PPP2CA: variants seen among roughly 807,000 people sequenced by gnomAD.
PPP2CA encodes the protein protein phosphatase 2 catalytic subunit alpha, also known as serine/threonine-protein phosphatase 2A catalytic subunit alpha isoform.
In PPP2CA, 5 loss-of-function variants were observed where a neutral mutation model predicts 38.8. That is an observed-to-expected ratio of 0.13 (90% confidence interval 0.07 to 0.27). The LOEUF (loss-of-function observed/expected upper bound fraction) is 0.27. PPP2CA is among the 10% of genes least tolerant of loss of function. PPP2CA has a pLI of 1.00. For synonymous variants in PPP2CA, 152 were observed against 134.0 expected, an observed-to-expected ratio of 1.13 and a Z score of -0.93; for missense variants, 88 against 389.7, an observed-to-expected ratio of 0.23 and a Z score of 6.52.
chr5:134,216,202 G>A (rs1162952273), intron 1 of PPP2CA, among the ~76,000 whole-genome samples: 1 of 152,046 alleles, frequency 6.6e-6, no homozygotes, highest in Admixed American at 6.6e-5. Context: ...TACATGAAAG[G>A]GATCATGATG....
chr5:134,199,469 C>A, intron 5 of PPP2CA: 1 of 305,566 alleles, frequency 3.3e-6, no homozygotes, highest in Non-Finnish European at 6.0e-6. Context: ...CAAACAGCAG[C>A]AACCACCAAA....
intron 1 of PPP2CA, among the ~76,000 whole-genome samples, chr5:134,223,826 T>G (rs1277376842): frequency 1.3e-5 from 2 of 152,254 alleles, no homozygotes; most frequent in African/African-American, 4.8e-5. Flanking sequence ...TATTCTTCAT[T>G]GCTTTTCATT....
intron 2 of PPP2CA, 195 bp downstream of exon 2, chr5:134,205,727 T>C: frequency 2.3e-6 from 1 of 442,126 alleles, no homozygotes; most frequent in Non-Finnish European, 3.9e-6. Context: ...CTCCTCCTTT[T>C]GTTTTGATTC....
rs375780869 is a variant in PPP2CA, at chr5:134,213,868, G to A, written c.103-7737C>T. On this transcript the variant is annotated intron_variant, in intron 1 of 6. Coordinates refer to ENST00000481195, the MANE Select transcript of PPP2CA (RefSeq NM_002715.4). ...GAAAAGCCCAGGCACAGTGGCTCAC[G>A]CCTGTAATTCTATCACTTTGGGAGC... Among the ~76,000 whole-genome samples the A allele has an allele frequency of 1.6e-4, 24 of 152,262 alleles. 2 individuals carry two copies. The East Asian group carries it at 2.5e-3, about 16-fold the overall frequency.
chr5:134,218,816 C>T (rs1328769227), intron 1 of PPP2CA, among the ~76,000 whole-genome samples: 5 of 151,972 alleles, frequency 3.3e-5, no homozygotes, highest in African/African-American at 1.2e-4. Flanking sequence ...CTACAGGCGC[C>T]CACCACCATG....
intron 2 of PPP2CA, among the ~76,000 whole-genome samples, chr5:134,203,020 C>A (rs1762001611): frequency 2.0e-5 from 3 of 152,180 alleles, no homozygotes; most frequent in South Asian, 2.1e-4. Flanking sequence ...CATGTATCAT[C>A]TTCTTGGGTA....
In PPP2CA at chr5:134,197,366, A is replaced by T. The variant is rs1295833848; in HGVS notation, c.*406T>A. On this transcript the variant is annotated 3_prime_UTR_variant, in exon 7 of 7. Transcript: ENST00000481195. ...TTGGTAATTATTTTTAAAAATGTTCATTAAGCTCCAATGATTGTTTGCTGC... is the reference window on the plus strand; with the variant it reads ...TTGGTAATTATTTTTAAAAATGTTCTTTAAGCTCCAATGATTGTTTGCTGC... The T allele has an allele frequency of 6.3e-6, 1 of 159,262 alleles. No individual in the cohort carries two copies. Among genetic ancestry groups the T allele is most frequent in the Non-Finnish European group, 1.4e-5 (1 of 72,498 alleles). The allele number at this position is 159,262 out of a possible 1,614,324, so 9.9% of individuals were successfully genotyped here.
At chr5:134,224,146 C>G (rs1762507176) in intron 1 of PPP2CA, 1 of 350,990 alleles carries the variant, frequency 2.8e-6, no homozygotes, top group Non-Finnish European at 5.5e-6. Flanking sequence ...ATATAATGCA[C>G]TGAATTCCAA....
intron 1 of PPP2CA, among the ~76,000 whole-genome samples, chr5:134,213,970 A>C (rs1762263250): frequency 6.6e-6 from 1 of 152,148 alleles, no homozygotes; most frequent in South Asian, 2.1e-4. Flanking sequence ...CTCTACTAAA[A>C]ATACAAAAAT....
chr5:134,225,150 G>A (rs1159683869), intron 1 of PPP2CA, among the ~76,000 whole-genome samples: 1 of 152,256 alleles, frequency 6.6e-6, no homozygotes, highest in East Asian at 1.9e-4. Context: ...CTACCACCAT[G>A]ACCTTCGTAA....
intron 1 of PPP2CA, among the ~76,000 whole-genome samples, chr5:134,218,586 T>A (rs1762368766): frequency 6.6e-6 from 1 of 152,002 alleles, no homozygotes; most frequent in African/African-American, 2.4e-5. Context: ...CAATAATACA[T>A]CATGAACAAG....
chr5:134,225,961 T>C lies in PPP2CA; in HGVS notation c.-100A>G. On this transcript the variant is annotated 5_prime_UTR_variant, in exon 1 of 7. Transcript: ENST00000481195. The stretch of plus-strand genomic sequence containing the variant: ...ACGCCGCCGCCGGTTCCTCGTGTAC[T>C]TCTGGCGGCTGTTGAGGCTGGCGCT... 8.8e-7 allele frequency: 1 copy of C among 1,135,002 alleles called. No individual in the cohort carries two copies. Among genetic ancestry groups the C allele is most frequent in the African/African-American group, 1.6e-5 (1 of 63,126 alleles). The allele number at this position is 1,135,002 out of a possible 1,614,324, so 70.3% of individuals were successfully genotyped here. A position where few individuals can be genotyped will look rare whatever the true frequency, so the allele number is the denominator to read the frequency against.
Position 134,205,952 on chromosome 5 carries a change from A to T in PPP2CA, c.282T>A (p.Val94=), listed in dbSNP as rs776067315. The change falls in exon 2 of 7, where the codon GTT becomes GTA. Residue 94 remains valine (V), a synonymous_variant. Transcript: ENST00000481195. ...GAGCTACAAGCAGTGTAACTGTTTC[A>T]ACTGAATAATATCCTCTGTCAACAT... ...GDYVDRGYYS[V]ETVTLLVALK... 1 of 1,613,976 alleles carries T rather than the reference A, an allele frequency of 6.2e-7. No individual in the cohort carries two copies. The highest frequency in any genetic ancestry group is 8.5e-7 in the Non-Finnish European group (1 of 1,179,932).
intron 2 of PPP2CA, among the ~76,000 whole-genome samples, chr5:134,205,382 CTTTT>C (rs1762059589): frequency 1.9e-5 from 2 of 104,188 alleles, no homozygotes; most frequent in African/African-American, 7.6e-5. Context: ...TAACATTTTT[CTTTT>C]CCTTTTTTTT....
At chr5:134,200,647 T>C in intron 4 of PPP2CA, 151 bp from the exon 5 acceptor site, 1 of 874,264 alleles carries the variant, frequency 1.1e-6, no homozygotes. Flanking sequence ...GTCAAACATC[T>C]GCATCAAATA....
chr5:134,215,440 T>C (rs984272720), intron 1 of PPP2CA, among the ~76,000 whole-genome samples: 1 of 152,030 alleles, frequency 6.6e-6, no homozygotes, highest in African/African-American at 2.4e-5. Context: ...CTGGGCATGG[T>C]AGCCCTCGCC....
chr5:134,217,157 G>C (rs1054658138), intron 1 of PPP2CA, among the ~76,000 whole-genome samples: 1 of 152,128 alleles, frequency 6.6e-6, no homozygotes, highest in South Asian at 2.1e-4. Context: ...GCGCATGCCT[G>C]TAATCCCAGC....
In PPP2CA at chr5:134,225,862, G is replaced by T. The variant is rs1262776207; in HGVS notation, c.-1C>A. Reference sequence around the variant, plus strand: ...CCTTGGTGAACACCTTCTCGTCCATGATGCCACCCGCCCCAGCCGGCTGCC... The same window carrying T: ...CCTTGGTGAACACCTTCTCGTCCATTATGCCACCCGCCCCAGCCGGCTGCC... On this transcript the variant is annotated 5_prime_UTR_variant, in exon 1 of 7. Transcript: ENST00000481195. 2 of 1,605,352 alleles carry T rather than the reference G, an allele frequency of 1.2e-6. No individual in the cohort carries two copies. The highest frequency in any genetic ancestry group is 1.1e-5 in the South Asian group (1 of 90,824).
intron 1 of PPP2CA, among the ~76,000 whole-genome samples, chr5:134,216,207 A>G (rs1762316171): frequency 6.6e-6 from 1 of 152,196 alleles, no homozygotes; most frequent in Non-Finnish European, 1.5e-5. Context: ...GAAAGGGATC[A>G]TGATGTAACT....
Sources: gnomAD v4.1 joint callset for allele counts (sites outside exome capture counted in the v4.1 genomes callset) on GRCh38, gnomAD v4.1.1 for gene constraint, MANE v1.5 for transcripts, NCBI Gene and HGNC (gene_info 2026-07-23, HGNC 2026-07-21) for gene names.